LIMK1: variants seen among roughly 807,000 people sequenced by gnomAD.
LIMK1 encodes LIM domain kinase 1, also known as LIM motif-containing protein kinase.
LIMK1 carries 21 observed loss-of-function variants against 77.6 expected under a neutral mutation model. The ratio of observed to expected loss-of-function variants is 0.27; its 90% CI spans 0.19 to 0.39. The LOEUF (loss-of-function observed/expected upper bound fraction) is 0.39. LIMK1 is among the 10% of genes least tolerant of loss of function. The probability of loss-of-function intolerance (pLI) is 1.00; values close to 1 mark genes in which losing one functional copy is unlikely to be tolerated. For synonymous variants in LIMK1, 358 were observed against 370.0 expected (o/e 0.97, Z 0.37); for missense variants, 696 against 901.6 (o/e 0.77, Z 2.92).
chr7:74,096,622 G>A lies in LIMK1; in HGVS notation c.153G>A (p.Arg51=). Residue 51 remains arginine, a splice_region_variant and synonymous_variant, in exon 3 of 16, where the codon AGG becomes AGA. Transcript: ENST00000336180. ...LNADWHADCF[R]CCDCSASLSH... is the part of the protein sequence containing the mutation. ...TCTCAGCCCGGCCCCTCTCCTGCAG[G>A]TGTTGTGACTGCAGTGCCTCCCTGT... The A allele has an allele frequency of 1.9e-6, 3 of 1,614,022 alleles. No individual in the cohort carries two copies. Among genetic ancestry groups the A allele is most frequent in the Non-Finnish European group, 1.7e-6 (2 of 1,180,024 alleles).
At chr7:74,111,840 T>C (rs1387999083) in intron 11 of LIMK1, 93 bp from the exon 12 acceptor site, 6 of 1,439,378 alleles carry the variant, frequency 4.2e-6, no homozygotes, top group Non-Finnish European at 2.9e-6. Context: ...ACTGGCCTGA[T>C]TGGGGTGGGA....
chr7:74,107,766 G>A, intron 8 of LIMK1, 105 bp from the exon 9 acceptor site: 1 of 790,580 alleles, frequency 1.3e-6, no homozygotes, highest in Non-Finnish European at 2.2e-6. Flanking sequence ...AGAGTATGAA[G>A]CCATCTGCAC....
At chr7:74,084,961 G>A (rs994149436) in intron 1 of LIMK1, among the ~76,000 whole-genome samples, 1 of 152,184 alleles carries the variant, frequency 6.6e-6, no homozygotes, top group Non-Finnish European at 1.5e-5. Context: ...AGGTACCTGC[G>A]TCTTCACAGA....
intron 2 of LIMK1, among the ~76,000 whole-genome samples, chr7:74,095,958 T>A (rs1799329495): frequency 7.0e-6 from 1 of 143,102 alleles, no homozygotes; most frequent in Non-Finnish European, 1.5e-5. Context: ...TCTCCTCTAT[T>A]TTTCTTTTTC....
At chr7:74,101,896 C>T (rs1799466082) in intron 5 of LIMK1, among the ~76,000 whole-genome samples, 1 of 152,074 alleles carries the variant, frequency 6.6e-6, no homozygotes, top group Non-Finnish European at 1.5e-5. Context: ...ACAATCATAG[C>T]TCACTATAGC....
intron 5 of LIMK1, among the ~76,000 whole-genome samples, chr7:74,105,557 T>G (rs2269081): frequency 0.16 from 23,436 of 151,170 alleles, 1,819 homozygotes; most frequent in South Asian, 0.23. Flanking sequence ...ATACCTGGGA[T>G]TTGGAAGGAT....
intron 13 of LIMK1, among the ~76,000 whole-genome samples, chr7:74,119,779 G>C (rs782637897): frequency 1.3e-5 from 2 of 151,822 alleles, no homozygotes; most frequent in Non-Finnish European, 2.9e-5. Context: ...ATGGTGGCAG[G>C]CGCCTGTAAT....
intron 11 of LIMK1, 96 bp downstream of exon 11, chr7:74,111,803 G>T: frequency 6.9e-7 from 1 of 1,440,152 alleles, no homozygotes; most frequent in Non-Finnish European, 9.7e-7. Context: ...AGAGGGGGTC[G>T]ATGGGAGAGT....
chr7:74,093,444 G>A lies in LIMK1; in HGVS notation c.153-3178G>A, dbSNP rs140128508. On this transcript the variant is annotated intron_variant, in intron 2 of 15. Coordinates refer to ENST00000336180, the MANE Select transcript of LIMK1 (RefSeq NM_002314.4). ...GGTTACTGTCGGCTGCAGCCTGGGAGCAGGCCACTGCCAAAGCTGTGGGTC... is the reference window on the plus strand; with the variant it reads ...GGTTACTGTCGGCTGCAGCCTGGGAACAGGCCACTGCCAAAGCTGTGGGTC... 4.2e-4 allele frequency: 415 copies of A among 988,850 alleles called. 2 individuals carry two copies. The African/African-American group carries it at 6.2e-3, about 15-fold the overall frequency. The allele number at this position is 988,850 out of a possible 1,614,324, so 61.3% of individuals were successfully genotyped here. A position where few individuals can be genotyped will look rare whatever the true frequency, so the allele number is the denominator to read the frequency against.
At chr7:74,088,591 A>G (rs1394984846) in intron 2 of LIMK1, among the ~76,000 whole-genome samples, 3 of 152,038 alleles carry the variant, frequency 2.0e-5, no homozygotes, top group Non-Finnish European at 2.9e-5. Context: ...ACTTGACCCC[A>G]GGAGCTTGAG....
intron 2 of LIMK1, chr7:74,093,120 GCTGCAGCCACGCTGGCCCCACCCT>G (rs1799269730): frequency 1.3e-5 from 18 of 1,429,964 alleles, no homozygotes; most frequent in Non-Finnish European, 1.6e-5. Context: ...CCTCCTGTGC[GCTGCAGCCACGCTGGCCCCACCCT>G]CTGCAGCCTC....
rs559755629 is a variant in LIMK1, at chr7:74,096,836, C to T, written c.291+76C>T. 8.9e-5 allele frequency: 133 copies of T among 1,496,634 alleles called. No individual in the cohort carries two copies. The African/African-American group carries it at 1.8e-3, about 20-fold the overall frequency. 92.7% of individuals were successfully genotyped at this position (1,496,634 alleles called of 1,614,324 possible). On this transcript the variant is annotated intron_variant, in intron 3 of 15. Transcript: ENST00000336180. Reference sequence around the variant, plus strand: ...GACCCCATGCTCCAGGTCTCTCTCCCATCATTGTCTCTCCTGGTCTCCTTT... The same window carrying T: ...GACCCCATGCTCCAGGTCTCTCTCCTATCATTGTCTCTCCTGGTCTCCTTT...
intron 1 of LIMK1, among the ~76,000 whole-genome samples, 188 bp from the exon 2 acceptor site, chr7:74,085,560 A>T (rs41272147): frequency 0.055 from 8,410 of 152,338 alleles, 329 homozygotes; most frequent in Non-Finnish European, 0.082. Context: ...TCAGTATCTC[A>T]GCAAGACTCA....
chr7:74,119,982 G>A lies in LIMK1; in HGVS notation c.1568-601G>A, dbSNP rs147145382. On this transcript the variant is annotated intron_variant, in intron 13 of 15. Transcript: ENST00000336180. Reference sequence around the variant, plus strand: ...GAAGGTTGAAATCCAACAGGGCTGCGCTCCCTCCAGGGCGATCTAGGGGAG... The same window carrying A: ...GAAGGTTGAAATCCAACAGGGCTGCACTCCCTCCAGGGCGATCTAGGGGAG... 6.2e-4 allele frequency among the ~76,000 whole-genome samples: 95 copies of A among 152,204 alleles called. 1 individual carries two copies. In the South Asian group the frequency reaches 9.8e-3, roughly 16 times the overall value.
At chr7:74,086,500 T>C (rs1799140341) in intron 2 of LIMK1, among the ~76,000 whole-genome samples, 1 of 152,136 alleles carries the variant, frequency 6.6e-6, no homozygotes, top group African/African-American at 2.4e-5. Context: ...GCTGGGATTA[T>C]AGGTATACAC....
Position 74,099,255 on chromosome 7 carries a change from C to T in LIMK1, c.608+17C>T, listed in dbSNP as rs782668678. 7.5e-6 allele frequency: 12 copies of T among 1,599,596 alleles called. No individual in the cohort carries two copies. Among genetic ancestry groups the T allele is most frequent in the African/African-American group, 1.3e-5 (1 of 75,002 alleles). ...CGTCCAGGGGTGAGTGGCCGGCCTG[C>T]CGAGGCTGCCGTCGGTGTGGCTATG... On this transcript the variant is annotated intron_variant, in intron 5 of 15. Transcript: ENST00000336180.
rs781942896 is a variant in LIMK1, at chr7:74,108,888, T to C, written c.1153-17T>C. On this transcript the variant is annotated splice_polypyrimidine_tract_variant and intron_variant, in intron 9 of 15. Transcript: ENST00000336180. ...GACCACACAGAGCCCGGGCCCAGCC[T>C]GTTTGTGCCCCGCCAGGTGAAGGTC... The C allele has an allele frequency of 1.4e-5, 22 of 1,611,392 alleles. No homozygotes were observed. In the South Asian group the frequency reaches 2.2e-4, roughly 16 times the overall value.
intron 2 of LIMK1, among the ~76,000 whole-genome samples, chr7:74,086,867 G>T (rs1285950689): frequency 1.3e-5 from 2 of 152,204 alleles, no homozygotes; most frequent in African/African-American, 4.8e-5. Flanking sequence ...GCCACCCTCA[G>T]TGTCTTCCAG....
At chr7:74,111,893 C>T in intron 11 of LIMK1, 40 bp from the exon 12 acceptor site, 1 of 1,576,636 alleles carries the variant, frequency 6.3e-7, no homozygotes, top group Non-Finnish European at 8.7e-7. Flanking sequence ...TGGGGTCCCT[C>T]TGCACAGCTG....
Sources: allele counts gnomAD v4.1 joint callset (sites outside exome capture counted in the v4.1 genomes callset), GRCh38; gene constraint gnomAD v4.1.1; transcripts MANE v1.5; gene names NCBI Gene and HGNC (gene_info 2026-07-23, HGNC 2026-07-21).